DLG2: variants seen among roughly 807,000 people sequenced by gnomAD.
DLG2 encodes the protein disks large homolog 2.
A neutral mutation model predicts 132.5 loss-of-function variants in DLG2; 45 were observed. The ratio of observed to expected loss-of-function variants is 0.34; its 90% CI spans 0.27 to 0.44. The LOEUF (loss-of-function observed/expected upper bound fraction) is 0.44, where lower values mean the gene tolerates loss of function less well. DLG2 is among the 20% of genes least tolerant of loss of function. The pLI, the probability that DLG2 is intolerant of heterozygous loss-of-function variation, is 1.00. For missense variants in DLG2, 1,045 were observed against 1,196.9 expected, an observed-to-expected ratio of 0.87 and a Z score of 1.87; for synonymous variants, 424 against 419.6, an observed-to-expected ratio of 1.01 and a Z score of -0.13.
chr11:84,440,409 A>G (rs2099013820), intron 7 of DLG2, among the ~76,000 whole-genome samples: 1 of 152,236 alleles, frequency 6.6e-6, no homozygotes, highest in African/African-American at 2.4e-5. Flanking sequence ...TAAAATTCTC[A>G]GTAGCAAAAG....
chr11:84,648,640 T>G (rs983264275), intron 6 of DLG2, among the ~76,000 whole-genome samples: 7 of 152,074 alleles, frequency 4.6e-5, no homozygotes, highest in African/African-American at 1.7e-4. Flanking sequence ...TGGTAATTAG[T>G]GAGTTCTCAT....
At chr11:83,669,757 T>C (rs747015841) in intron 18 of DLG2, among the ~76,000 whole-genome samples, 1 of 152,170 alleles carries the variant, frequency 6.6e-6, no homozygotes, top group Non-Finnish European at 1.5e-5. Context: ...CAAACAAACA[T>C]GAAAAGCTAT....
chr11:83,688,302 A>G (rs2080197472), intron 18 of DLG2, among the ~76,000 whole-genome samples: 1 of 152,076 alleles, frequency 6.6e-6, no homozygotes, highest in Admixed American at 6.6e-5. Flanking sequence ...TTTTGACTTG[A>G]TCCATTTTCT....
intron 7 of DLG2, among the ~76,000 whole-genome samples, chr11:84,528,134 T>C (rs1172883505): frequency 1.3e-5 from 2 of 152,192 alleles, no homozygotes; most frequent in Non-Finnish European, 2.9e-5. Context: ...GGCACTCAGT[T>C]AATATTTATT....
chr11:83,995,872 T>C lies in DLG2; in HGVS notation c.920-15230A>G, dbSNP rs74730161. ...CTAAGACCTGAAACCATGAAACTAC[T>C]CTAAGAAAACATTGGGGAAGATTTC... On this transcript the variant is annotated intron_variant, in intron 11 of 27. Coordinates refer to ENST00000376104, the MANE Select transcript of DLG2 (RefSeq NM_001142699.3). Among the ~76,000 whole-genome samples, 761 of 152,264 alleles carry C rather than the reference T, an allele frequency of 5.0e-3. 3 individuals are homozygous for C. Among genetic ancestry groups the C allele is most frequent in the African/African-American group, 0.018 (740 of 41,560 alleles).
At chr11:85,468,913 C>G (rs1164845611) in intron 3 of DLG2, among the ~76,000 whole-genome samples, 1 of 152,132 alleles carries the variant, frequency 6.6e-6, no homozygotes, top group African/African-American at 2.4e-5. Context: ...CCGCCTTGGC[C>G]TCCCCAAGTG....
chr11:84,258,529 T>A (rs773189352), intron 7 of DLG2, among the ~76,000 whole-genome samples: 1 of 152,158 alleles, frequency 6.6e-6, no homozygotes, highest in Non-Finnish European at 1.5e-5. Context: ...TGAATGCATT[T>A]AATTTTTACA....
intron 7 of DLG2, among the ~76,000 whole-genome samples, chr11:84,335,176 AAAAG>A (rs1429825380): frequency 4.0e-5 from 6 of 150,304 alleles, no homozygotes; most frequent in Admixed American, 4.0e-4. Flanking sequence ...AAAAAAAAAA[AAAAG>A]GAAGGAAGGG....
intron 18 of DLG2, among the ~76,000 whole-genome samples, chr11:83,651,378 AGAAG>A (rs1256550755): frequency 6.6e-5 from 10 of 152,230 alleles, no homozygotes; most frequent in African/African-American, 2.4e-4. Context: ...ACACAGGTAA[AGAAG>A]CTGTACAAAG....
chr11:85,384,945 A>G (rs904860520), intron 3 of DLG2, among the ~76,000 whole-genome samples: 1 of 152,226 alleles, frequency 6.6e-6, no homozygotes, highest in African/African-American at 2.4e-5. Flanking sequence ...CTGCATTCTC[A>G]TCAGGATTAA....
At chr11:83,887,492 G>A (rs566249062) in intron 15 of DLG2, among the ~76,000 whole-genome samples, 1 of 152,154 alleles carries the variant, frequency 6.6e-6, no homozygotes, top group South Asian at 2.1e-4. Flanking sequence ...AGGACCAGAC[G>A]GATTCACAGC....
chr11:83,633,098 C>T, intron 19 of DLG2, 113 bp downstream of exon 19: 1 of 851,264 alleles, frequency 1.2e-6, no homozygotes, highest in Non-Finnish European at 2.0e-6. Context: ...CAGTAGTGTA[C>T]TGATGAAAGT....
intron 11 of DLG2, among the ~76,000 whole-genome samples, chr11:83,999,961 A>G (rs938841119): frequency 2.6e-5 from 4 of 152,106 alleles, no homozygotes; most frequent in African/African-American, 9.7e-5. Flanking sequence ...AAACATTAAA[A>G]AAAAAAACTC....
Position 84,275,304 on chromosome 11 carries a change from T to C in DLG2, c.520-24013A>G, listed in dbSNP as rs1034714738. Among the ~76,000 whole-genome samples the C allele has an allele frequency of 2.0e-5, 3 of 152,232 alleles. No homozygotes were observed. The South Asian group carries it at 6.2e-4, about 31-fold the overall frequency. ...AACTGCCCTTTGAATCTTGCATTCATTCATTTATTCATTGATCCAACAAAC... is the reference window on the plus strand; with the variant it reads ...AACTGCCCTTTGAATCTTGCATTCACTCATTTATTCATTGATCCAACAAAC... On this transcript the variant is annotated intron_variant, in intron 7 of 27. Transcript: ENST00000376104.
At chr11:83,921,102 C>T (rs1041023225) in intron 15 of DLG2, among the ~76,000 whole-genome samples, 8 of 152,124 alleles carry the variant, frequency 5.3e-5, no homozygotes, top group African/African-American at 1.9e-4. Flanking sequence ...GTTTCATCAC[C>T]TGCAAAATGG....
At chr11:84,979,449 C>T (rs1228811143) in intron 6 of DLG2, among the ~76,000 whole-genome samples, 1 of 152,140 alleles carries the variant, frequency 6.6e-6, no homozygotes, top group Admixed American at 6.5e-5. Context: ...AAATGTGGCA[C>T]ATATACACCA....
intron 8 of DLG2, among the ~76,000 whole-genome samples, chr11:84,210,649 T>C (rs1183014873): frequency 6.6e-6 from 1 of 152,070 alleles, no homozygotes; most frequent in Non-Finnish European, 1.5e-5. Context: ...GTTTAAACAA[T>C]AGACTACTAC....
intron 11 of DLG2, among the ~76,000 whole-genome samples, chr11:83,997,775 C>A (rs2094129447): frequency 1.7e-5 from 2 of 114,316 alleles, no homozygotes; most frequent in Non-Finnish European, 1.7e-5. Flanking sequence ...AAAAGGTGTG[C>A]CAAATAGTCC....
chr11:85,568,750 G>A (rs1390263311), intron 3 of DLG2, among the ~76,000 whole-genome samples: 1 of 151,860 alleles, frequency 6.6e-6, no homozygotes, highest in Non-Finnish European at 1.5e-5. Context: ...TAAGATCATT[G>A]TAAAGCTCAC....
Sources: gnomAD v4.1 joint callset for allele counts (sites outside exome capture counted in the v4.1 genomes callset) on GRCh38, gnomAD v4.1.1 for gene constraint, MANE v1.5 for transcripts, NCBI Gene and HGNC (gene_info 2026-07-23, HGNC 2026-07-21) for gene names.